PTPN5: variants seen among roughly 807,000 people sequenced by gnomAD.
The protein encoded by PTPN5 is protein tyrosine phosphatase non-receptor type 5.
In PTPN5, 29 loss-of-function variants were observed where a neutral mutation model predicts 73.9. That is an observed-to-expected ratio of 0.39 (90% CI 0.29 to 0.54). PTPN5 has a LOEUF of 0.54. Among genes scored for constraint, PTPN5 ranks in the 20% least tolerant of loss-of-function variants. The pLI, the probability that PTPN5 is intolerant of heterozygous loss-of-function variation, is 0.65. For missense variants in PTPN5, 652 were observed against 751.4 expected (o/e 0.87, Z 1.55); for synonymous variants, 267 against 304.7 (o/e 0.88, Z 1.29).
chr11:18,728,757 T>C lies in PTPN5; in HGVS notation c.*177A>G, dbSNP rs958440952. ...CGACCCTGCCCCCCACTCCCCAATA[T>C]GTACAGTAGGAAGAGCAATGCTGGA... On this transcript the variant is annotated 3_prime_UTR_variant, in exon 15 of 15. Coordinates refer to ENST00000358540, the MANE Select transcript of PTPN5 (RefSeq NM_006906.2). This position sits in a 1 kb window ranked among gnomAD's most constrained non-coding sequence, Gnocchi z 4.1. The C allele has an allele frequency of 1.7e-6, 1 of 578,082 alleles. No individual in the cohort carries two copies. Among genetic ancestry groups the C allele is most frequent in the Non-Finnish European group, 2.9e-6 (1 of 345,874 alleles). 35.8% of individuals were successfully genotyped at this position (578,082 alleles called of 1,614,324 possible). A position where few individuals can be genotyped will look rare whatever the true frequency, so the allele number is the denominator to read the frequency against.
chr11:18,784,725 C>T (rs937291243), intron 1 of PTPN5, among the ~76,000 whole-genome samples: 3 of 152,162 alleles, frequency 2.0e-5, no homozygotes, highest in African/African-American at 7.2e-5. Context: ...GGACAGACTT[C>T]CCTCTGAAAT....
At chr11:18,734,198 G>A (rs1018526758) in intron 9 of PTPN5, among the ~76,000 whole-genome samples, 1 of 152,206 alleles carries the variant, frequency 6.6e-6, no homozygotes, top group Non-Finnish European at 1.5e-5. Flanking sequence ...GTTAAGATTC[G>A]GGAGTAGAAA....
chr11:18,733,309 C>T lies in PTPN5; in HGVS notation c.1144G>A (p.Asp382Asn), dbSNP rs765053589. 9.3e-6 allele frequency: 15 copies of T among 1,613,992 alleles called. No individual in the cohort carries two copies. Among genetic ancestry groups the T allele is most frequent in the Admixed American group, 5.0e-5 (3 of 60,002 alleles). The change falls in exon 11 of 15, where the codon GAC (aspartate) becomes AAC (asparagine). Residue 382 changes from aspartate (D) to asparagine (N), a missense_variant. Coordinates refer to ENST00000358540, the MANE Select transcript of PTPN5 (RefSeq NM_006906.2). The surrounding 1 kb of genome is among the most constrained non-coding windows in gnomAD (Gnocchi z 4.3). Reference protein sequence around the residue: ...TQGPIVSTVADFWRMVWQEHT... With the variant: ...TQGPIVSTVANFWRMVWQEHT... The stretch of plus-strand genomic sequence containing the variant: ...TCCTGCCACACCATGCGCCAGAAGT[C>T]GGCGACCGTGCTGACGATGGGTCCC...
rs538134693 is a variant in PTPN5 at position 18,790,381 on chromosome 11, T to A, written c.-114+1144A>T. Among the ~76,000 whole-genome samples the A allele has an allele frequency of 2.6e-4, 40 of 152,138 alleles. No homozygotes were observed. The East Asian group carries it at 6.8e-3, about 26-fold the overall frequency. ...GGGAGGGCATGCAGTCAGGACACAG[T>A]GGAGAAGAGGACGAATCCTGGGATG... On this transcript the variant is annotated intron_variant, in intron 1 of 14. Transcript: ENST00000358540.
intron 1 of PTPN5, among the ~76,000 whole-genome samples, chr11:18,775,122 C>T (rs1055338801): frequency 4.6e-5 from 7 of 152,162 alleles, no homozygotes; most frequent in Non-Finnish European, 8.8e-5. Flanking sequence ...TTTCTAAAGG[C>T]GGAAATGGAA....
chr11:18,786,961 G>A lies in PTPN5; in HGVS notation c.-114+4564C>T, dbSNP rs1851700925. On this transcript the variant is annotated intron_variant, in intron 1 of 14. Transcript: ENST00000358540. Reference sequence around the variant, plus strand: ...TCCTTAAAACCTCTATGAAGGAAATGGTTGAGAGTGCAAGAGAAAATTTGA... The same window carrying A: ...TCCTTAAAACCTCTATGAAGGAAATAGTTGAGAGTGCAAGAGAAAATTTGA... 2.0e-5 allele frequency among the ~76,000 whole-genome samples: 3 copies of A among 152,320 alleles called. No homozygotes were observed. The South Asian group carries it at 6.2e-4, about 32-fold the overall frequency.
chr11:18,754,923 C>T (rs999999966), intron 3 of PTPN5, among the ~76,000 whole-genome samples: 6 of 152,148 alleles, frequency 3.9e-5, no homozygotes, highest in Non-Finnish European at 5.9e-5. Context: ...CTCAGTGAAC[C>T]CTGCCTCCTG....
Position 18,740,724 on chromosome 11 carries a change from T to C in PTPN5, c.794A>G (p.Tyr265Cys). The change falls in exon 8 of 15, where the codon TAT (tyrosine) becomes TGT (cysteine). Residue 265 changes from tyrosine (Y) to cysteine (C), a missense_variant. Tyr to Cys is a radical substitution (Grantham distance 194). Transcript: ENST00000358540. Reference protein sequence around the residue: ...TPGCNEEGFGYLMSPREESAR... With the variant: ...TPGCNEEGFGCLMSPREESAR... ...GGACTCCTCACGTGGGGACATGAGA[T>C]AGCCAAAGCCCTCCTCGTTGCAGCC... 1 of 1,602,874 alleles carries C rather than the reference T, an allele frequency of 6.2e-7. No homozygotes were observed. The highest frequency in any genetic ancestry group is 8.5e-7 in the Non-Finnish European group (1 of 1,173,724).
intron 3 of PTPN5, among the ~76,000 whole-genome samples, chr11:18,753,187 G>C (rs931867983): frequency 2.6e-5 from 4 of 152,198 alleles, no homozygotes; most frequent in Non-Finnish European, 4.4e-5. Flanking sequence ...GGTCCCCCCA[G>C]GACAGCAGGG....
chr11:18,755,280 T>C (rs1850077962), intron 3 of PTPN5, among the ~76,000 whole-genome samples: 1 of 152,200 alleles, frequency 6.6e-6, no homozygotes, highest in African/African-American at 2.4e-5. Flanking sequence ...TGGGGATTAT[T>C]GCAGCCCTGG....
intron 3 of PTPN5, among the ~76,000 whole-genome samples, chr11:18,752,369 G>A (rs1849929073): frequency 6.6e-6 from 1 of 152,176 alleles, no homozygotes; most frequent in Non-Finnish European, 1.5e-5. Flanking sequence ...TGGGGAAAGG[G>A]GAGAGTGAGG....
rs376044701 is a variant in PTPN5, at chr11:18,772,919, G to C, written c.-113-848C>G. Reference sequence around the variant, plus strand: ...CCAGCCAGACCCCTAAGGAGGCAGAGGACTCAGGAGACGTTTGGTACCCAG... The same window carrying C: ...CCAGCCAGACCCCTAAGGAGGCAGACGACTCAGGAGACGTTTGGTACCCAG... On this transcript the variant is annotated intron_variant, in intron 1 of 14. Transcript: ENST00000358540. Among the ~76,000 whole-genome samples, 9 of 151,998 alleles carry C rather than the reference G, an allele frequency of 5.9e-5. No homozygotes were observed. In the East Asian group the frequency reaches 1.2e-3, roughly 20 times the overall value.
intron 3 of PTPN5, among the ~76,000 whole-genome samples, chr11:18,765,528 C>T (rs1850604414): frequency 1.3e-5 from 2 of 152,188 alleles, no homozygotes; most frequent in South Asian, 4.1e-4. Flanking sequence ...GAGCCCTGTA[C>T]TCCTCAGCTC....
At position 18,733,659 on chromosome 11, in the gene PTPN5, G is replaced by C; in HGVS notation, c.1001-24C>G. ...GTCTGGGGTGGTGGGAGACAAGTAAGGCTGGAAACTGGGCCCTCTGGTGCA... is the reference window on the plus strand; with the variant it reads ...GTCTGGGGTGGTGGGAGACAAGTAACGCTGGAAACTGGGCCCTCTGGTGCA... On this transcript the variant is annotated intron_variant, in intron 9 of 14. Coordinates refer to ENST00000358540, the MANE Select transcript of PTPN5 (RefSeq NM_006906.2). This position sits in a 1 kb window ranked among gnomAD's most constrained non-coding sequence, Gnocchi z 4.3. 6.2e-7 allele frequency: 1 copy of C among 1,612,416 alleles called. No individual in the cohort carries two copies. Among genetic ancestry groups the C allele is most frequent in the Non-Finnish European group, 8.5e-7 (1 of 1,178,398 alleles).
intron 3 of PTPN5, among the ~76,000 whole-genome samples, chr11:18,745,903 T>C (rs1354528846): frequency 6.6e-6 from 1 of 151,908 alleles, no homozygotes; most frequent in Non-Finnish European, 1.5e-5. Flanking sequence ...TCAGGCTACA[T>C]TACACTTGCC....
intron 2 of PTPN5, among the ~76,000 whole-genome samples, chr11:18,770,760 G>A (rs1015448764): frequency 3.3e-5 from 5 of 152,238 alleles, no homozygotes; most frequent in African/African-American, 1.2e-4. Flanking sequence ...TCGTTCGTAT[G>A]TGTGAAGGTA....
At chr11:18,779,420 T>G (rs1371631394) in intron 1 of PTPN5, among the ~76,000 whole-genome samples, 1 of 152,028 alleles carries the variant, frequency 6.6e-6, no homozygotes, top group Non-Finnish European at 1.5e-5. Context: ...GAGTCAAGGT[T>G]GAAAGGAGCC....
chr11:18,742,295 G>A lies in PTPN5; in HGVS notation c.692C>T (p.Ser231Leu). Residue 231 changes from serine (S) to leucine (L), a missense_variant, in exon 7 of 15, where the codon TCA (serine) becomes TTA (leucine). Around this residue, in one of 3 missense-constraint regions of PTPN5, gnomAD observed 529 missense variants for 573.9 expected, o/e 0.92. Transcript: ENST00000358540. This position sits in a 1 kb window ranked among gnomAD's most constrained non-coding sequence, Gnocchi z 4.1. ...CAGACCCATGGACTTGACGGTGAGTGAGGTGGGGTCAGCCTCAGGCTTGAT... is the reference window on the plus strand; with the variant it reads ...CAGACCCATGGACTTGACGGTGAGTAAGGTGGGGTCAGCCTCAGGCTTGAT... Reference protein sequence around the residue: ...MDIKPEADPTSLTVKSMGLQE... With the variant: ...MDIKPEADPTLLTVKSMGLQE... 1 of 1,614,168 alleles carries A rather than the reference G, an allele frequency of 6.2e-7. No individual in the cohort carries two copies. Among genetic ancestry groups the A allele is most frequent in the South Asian group, 1.1e-5 (1 of 91,086 alleles).
At position 18,729,752 on chromosome 11, in the gene PTPN5, C is replaced by A; in HGVS notation, c.1396G>T (p.Asp466Tyr). ...FTSWPDQKTP[D>Y]RAPPLLHLVR... ...AGGTGCAGGAGTGGGGGGGCCCGGT[C>A]TGGGGTCTTCTGGTCGGGCCAGGAT... The change falls in exon 13 of 15, where the codon GAC (aspartate) becomes TAC (tyrosine). Residue 466 changes from aspartate to tyrosine, a missense_variant. Asp to Tyr is a radical substitution (Grantham distance 160, BLOSUM62 -3). Around this residue, in one of 3 missense-constraint regions of PTPN5, gnomAD observed 102 missense variants for 160.5 expected, o/e 0.64. Coordinates refer to ENST00000358540, the MANE Select transcript of PTPN5 (RefSeq NM_006906.2). This position sits in a 1 kb window ranked among gnomAD's most constrained non-coding sequence, Gnocchi z 5.2. 6.2e-7 allele frequency: 1 copy of A among 1,610,246 alleles called. No homozygotes were observed. The highest frequency in any genetic ancestry group is 8.5e-7 in the Non-Finnish European group (1 of 1,177,200).
Sources: gnomAD v4.1 joint callset for allele counts (sites outside exome capture counted in the v4.1 genomes callset) on GRCh38, gnomAD v4.1.1 for gene constraint, gnomAD v4.1.1 regional missense constraint, Gnocchi (gnomAD v3.1) non-coding constraint, MANE v1.5 for transcripts, NCBI Gene and HGNC (gene_info 2026-07-23, HGNC 2026-07-21) for gene names.